PDE10A: variants seen among roughly 807,000 people sequenced by gnomAD.
PDE10A encodes phosphodiesterase 10A, also known as cAMP and cAMP-inhibited cGMP 3',5'-cyclic phosphodiesterase 10A.
A neutral mutation model predicts 97.7 loss-of-function variants in PDE10A; 39 were observed. The ratio of observed to expected loss-of-function variants is 0.40; its 90% CI spans 0.31 to 0.52. The LOEUF is 0.52. Ranked by LOEUF, PDE10A falls within the 20% of genes least tolerant of loss-of-function variation. PDE10A has a pLI of 0.56. For missense variants in PDE10A, 731 were observed against 1,047.8 expected, an observed-to-expected ratio of 0.70 and a Z score of 4.17; for synonymous variants, 371 against 376.8, an observed-to-expected ratio of 0.98 and a Z score of 0.18.
intron 1 of PDE10A, among the ~76,000 whole-genome samples, chr6:165,604,733 T>G (rs1405525720): frequency 6.6e-6 from 1 of 152,202 alleles, no homozygotes; most frequent in African/African-American, 2.4e-5. Context: ...TTGCGCTATG[T>G]TACTAAATAC....
At position 165,331,575 on chromosome 6, in the gene PDE10A, A is replaced by T. The variant is rs367780161; in HGVS notation, c.*1450T>A. 2 of 152,172 alleles carry T rather than the reference A, an allele frequency of 1.3e-5. No homozygotes were observed. Among genetic ancestry groups the T allele is most frequent in the Non-Finnish European group, 2.9e-5 (2 of 68,028 alleles). 9.4% of individuals were successfully genotyped at this position (152,172 alleles called of 1,614,324 possible). ...CAGTTTCCTGCCACATGAAAAGTGA[A>T]TAAGTTATTTGATATGATGGGCCTG... is the stretch of plus-strand genomic sequence containing the variant. On this transcript the variant is annotated 3_prime_UTR_variant, in exon 22 of 22. Transcript: ENST00000539869.
intron 1 of PDE10A, among the ~76,000 whole-genome samples, chr6:165,732,079 T>C (rs190260170): frequency 7.2e-5 from 11 of 152,370 alleles, no homozygotes; most frequent in Admixed American, 6.5e-4. Flanking sequence ...TAACGTGTAC[T>C]GTTTTCTCTT....
At chr6:165,645,853 C>CAAAAAAAAAAAAAAA (rs57923490) in intron 1 of PDE10A, among the ~76,000 whole-genome samples, 3 of 101,244 alleles carry the variant, frequency 3.0e-5, no homozygotes, top group Non-Finnish European at 2.0e-5. Flanking sequence ...GACTCCATCT[C>CAAAAAAAAAAAAAAA]AAAAAAAAAA....
At chr6:165,720,779 C>T (rs1792147869) in intron 1 of PDE10A, among the ~76,000 whole-genome samples, 1 of 152,180 alleles carries the variant, frequency 6.6e-6, no homozygotes, top group Non-Finnish European at 1.5e-5. Context: ...GGAGGGTTCT[C>T]TCAAACAAGT....
chr6:165,473,385 T>A (rs933059731), intron 3 of PDE10A, among the ~76,000 whole-genome samples: 1 of 152,182 alleles, frequency 6.6e-6, no homozygotes, highest in Non-Finnish European at 1.5e-5. Flanking sequence ...AATGTAGCTC[T>A]AGACAAAGCT....
chr6:165,364,260 A>C (rs73243914), intron 18 of PDE10A, among the ~76,000 whole-genome samples: 3,581 of 152,286 alleles, frequency 0.024, 132 homozygotes, highest in African/African-American at 0.08. Context: ...ATGAGGGTAG[A>C]GCCCTCATGA....
At chr6:165,381,563 C>T (rs1332618004) in intron 17 of PDE10A, among the ~76,000 whole-genome samples, 2 of 151,800 alleles carry the variant, frequency 1.3e-5, no homozygotes, top group Non-Finnish European at 2.9e-5. Flanking sequence ...TTCCTGGATT[C>T]AAGCGATTCT....
intron 1 of PDE10A, among the ~76,000 whole-genome samples, chr6:165,616,203 C>T (rs150871525): frequency 2.7e-3 from 407 of 152,208 alleles, no homozygotes; most frequent in Middle Eastern, 6.8e-3. Context: ...TGAGCAGTAG[C>T]TCCCGGTGTA....
At chr6:165,540,911 T>A (rs1046319967) in intron 2 of PDE10A, among the ~76,000 whole-genome samples, 49 of 152,206 alleles carry the variant, frequency 3.2e-4, no homozygotes, top group African/African-American at 1.1e-3. Flanking sequence ...ATTATAGGCA[T>A]AAGTCACCAC....
chr6:165,396,479 A>C lies in PDE10A; in HGVS notation c.2077-20T>G. The C allele has an allele frequency of 1.3e-6, 2 of 1,579,550 alleles. No homozygotes were observed. Among genetic ancestry groups the C allele is most frequent in the Non-Finnish European group, 1.7e-6 (2 of 1,168,314 alleles). Reference sequence around the variant, plus strand: ...ATACATCTAGAAGGCAAATCCAAAAAAAAAACCCCCAAAATTAAAAGAATA... The same window carrying C: ...ATACATCTAGAAGGCAAATCCAAAACAAAAACCCCCAAAATTAAAAGAATA... On this transcript the variant is annotated intron_variant, in intron 13 of 21. Transcript: ENST00000539869.
chr6:165,395,900 G>C (rs1786123085), intron 14 of PDE10A, among the ~76,000 whole-genome samples: 1 of 151,932 alleles, frequency 6.6e-6, no homozygotes, highest in Non-Finnish European at 1.5e-5. Flanking sequence ...TATTAACATA[G>C]GGTTAAAAAA....
intron 1 of PDE10A, among the ~76,000 whole-genome samples, chr6:165,828,369 C>T (rs547586286): frequency 6.6e-6 from 1 of 152,296 alleles, no homozygotes; most frequent in South Asian, 2.1e-4. Flanking sequence ...TAAGCTAGGT[C>T]TGAAAAATTA....
intron 1 of PDE10A, among the ~76,000 whole-genome samples, chr6:165,968,328 C>T (rs527319087): frequency 6.6e-6 from 1 of 152,220 alleles, no homozygotes; most frequent in African/African-American, 2.4e-5. Flanking sequence ...TCAAACCCAT[C>T]GGACTGTGGT....
At chr6:165,733,114 C>G (rs148655917) in intron 1 of PDE10A, among the ~76,000 whole-genome samples, 1 of 152,162 alleles carries the variant, frequency 6.6e-6, no homozygotes, top group African/African-American at 2.4e-5. Context: ...CATTTCCAGT[C>G]GGCACTGTGA....
intron 1 of PDE10A, among the ~76,000 whole-genome samples, chr6:165,630,789 C>A (rs914570489): frequency 1.3e-5 from 2 of 152,074 alleles, no homozygotes; most frequent in African/African-American, 4.8e-5. Context: ...ATGATGGCAG[C>A]CTGGAAAAAG....
rs1777868541 is a variant in PDE10A, at chr6:165,766,987, GA to G, written c.-615+220541del. Among the ~76,000 whole-genome samples the G allele has an allele frequency of 2.6e-5, 4 of 152,234 alleles. No individual in the cohort carries two copies. In the South Asian group the frequency reaches 8.3e-4, roughly 32 times the overall value. On this transcript the variant is annotated intron_variant, in intron 1 of 19. Coordinates refer to the PDE10A transcript ENST00000366882. ...TCAAACTTTCCCTTGTTTTATAATT[GA>G]ATTTTCTGGCCCACAAATAACAGGC...
At chr6:165,675,908 T>G (rs1790781698) in intron 1 of PDE10A, among the ~76,000 whole-genome samples, 1 of 152,162 alleles carries the variant, frequency 6.6e-6, no homozygotes, top group African/African-American at 2.4e-5. Flanking sequence ...CCAAAGAACA[T>G]CATTATATCA....
intron 1 of PDE10A, among the ~76,000 whole-genome samples, chr6:165,857,474 C>T (rs1258225137): frequency 6.6e-6 from 1 of 152,176 alleles, no homozygotes. Context: ...CTCCTGAGCG[C>T]ATGCCAAGTG....
At chr6:165,359,569 C>T (rs1049647774) in intron 18 of PDE10A, among the ~76,000 whole-genome samples, 20 of 152,070 alleles carry the variant, frequency 1.3e-4, no homozygotes, top group Non-Finnish European at 2.1e-4. Context: ...TGCATTTTTT[C>T]ACTCCTTAAA....
Sources: allele counts gnomAD v4.1 joint callset (sites outside exome capture counted in the v4.1 genomes callset), GRCh38; gene constraint gnomAD v4.1.1; transcripts MANE v1.5; gene names NCBI Gene and HGNC (gene_info 2026-07-23, HGNC 2026-07-21).